Variants in FHIT observed in about 807,000 individuals in gnomAD.
FHIT encodes the protein fragile histidine triad diadenosine triphosphatase.
In FHIT, 19 loss-of-function variants were observed where a neutral mutation model predicts 17.9. The observed-to-expected ratio is 1.06, with a 90% CI of 0.74 to 1.56. FHIT has a LOEUF of 1.56. FHIT is among the 40% of genes most tolerant of loss of function. The probability of loss-of-function intolerance (pLI) is 0.00; values close to 1 mark genes in which losing one functional copy is unlikely to be tolerated. For missense variants in FHIT, 248 were observed against 189.2 expected (o/e 1.31, Z -1.82); for synonymous variants, 81 against 69.7 (o/e 1.16, Z -0.81).
chr3:60,227,816 T>C (rs1003481572), intron 5 of FHIT, among the ~76,000 whole-genome samples: 4 of 152,178 alleles, frequency 2.6e-5, no homozygotes, highest in African/African-American at 9.7e-5. Flanking sequence ...CTCCAAGAAC[T>C]TCTGGAATGC....
intron 1 of FHIT, among the ~76,000 whole-genome samples, chr3:61,240,014 A>T (rs764749925): frequency 1.3e-5 from 2 of 152,056 alleles, no homozygotes; most frequent in Non-Finnish European, 2.9e-5. Context: ...TCCATCTGCA[A>T]CAGGAAGCCA....
At chr3:60,062,761 T>C (rs959752804) in intron 5 of FHIT, among the ~76,000 whole-genome samples, 2 of 151,710 alleles carry the variant, frequency 1.3e-5, no homozygotes, top group Admixed American at 6.6e-5. Flanking sequence ...ATAATGGATA[T>C]GGAGGAGTTT....
At chr3:60,133,061 C>T (rs1482808909) in intron 5 of FHIT, among the ~76,000 whole-genome samples, 1 of 152,062 alleles carries the variant, frequency 6.6e-6, no homozygotes, top group African/African-American at 2.4e-5. Context: ...TACCAGGAGA[C>T]AGGGATTTAA....
intron 5 of FHIT, among the ~76,000 whole-genome samples, chr3:60,132,052 G>A (rs568821296): frequency 5.9e-5 from 9 of 152,232 alleles, no homozygotes; most frequent in African/African-American, 2.2e-4. Context: ...TTGATTTGGA[G>A]TGCTCTCTCT....
intron 5 of FHIT, among the ~76,000 whole-genome samples, chr3:60,292,225 A>G (rs548643743): frequency 3.3e-5 from 5 of 152,200 alleles, no homozygotes; most frequent in Non-Finnish European, 7.3e-5. Context: ...TCTTCAAAAC[A>G]AAATATTAAA....
At chr3:60,413,989 A>C (rs149028342) in intron 5 of FHIT, among the ~76,000 whole-genome samples, 308 of 152,364 alleles carry the variant, frequency 2.0e-3, no homozygotes, top group African/African-American at 7.1e-3. Flanking sequence ...CAAGTACAAC[A>C]GAAATAACTA....
chr3:60,558,219 C>G (rs573470016), intron 4 of FHIT, among the ~76,000 whole-genome samples: 1 of 152,110 alleles, frequency 6.6e-6, no homozygotes, highest in East Asian at 2.0e-4. Context: ...CCTTTGTTCT[C>G]TAACAGGGAA....
In FHIT at chr3:59,747,633, T is replaced by C. The variant is rs1256926288; in HGVS notation, c.*1952A>G. Among the ~76,000 whole-genome samples, 2 of 152,160 alleles carry C rather than the reference T, an allele frequency of 1.3e-5. No homozygotes were observed. The highest frequency in any genetic ancestry group is 3.9e-4 in the East Asian group (2 of 5,178). On this transcript the variant is annotated 3_prime_UTR_variant, in exon 10 of 10. Transcript: ENST00000492590. ...TTCTTATATAGGGCATCTCTGGATA[T>C]AGGTGTTCACATTCTTCTTTGCAAC...
chr3:61,163,753 T>G (rs949379114), intron 2 of FHIT, among the ~76,000 whole-genome samples: 1 of 152,194 alleles, frequency 6.6e-6, no homozygotes, highest in African/African-American at 2.4e-5. Flanking sequence ...ATCATACTTC[T>G]ACACAACTGT....
At chr3:60,784,649 T>G (rs1700503160) in intron 4 of FHIT, among the ~76,000 whole-genome samples, 1 of 152,246 alleles carries the variant, frequency 6.6e-6, no homozygotes, top group Non-Finnish European at 1.5e-5. Flanking sequence ...TTCCAGGCTC[T>G]GATAAATGTT....
At chr3:60,933,785 G>C (rs1285392038) in intron 3 of FHIT, among the ~76,000 whole-genome samples, 1 of 152,142 alleles carries the variant, frequency 6.6e-6, no homozygotes, top group African/African-American at 2.4e-5. Flanking sequence ...GTATAGAAAG[G>C]TGCCCTCCTT....
chr3:60,901,009 A>C (rs1553763058), intron 3 of FHIT, among the ~76,000 whole-genome samples: 1 of 152,202 alleles, frequency 6.6e-6, no homozygotes, highest in Non-Finnish European at 1.5e-5. Flanking sequence ...AAAGTAATTT[A>C]AACATGTTTT....
intron 4 of FHIT, among the ~76,000 whole-genome samples, chr3:60,644,493 T>C (rs373398584): frequency 6.6e-6 from 1 of 152,230 alleles, no homozygotes; most frequent in Non-Finnish European, 1.5e-5. Context: ...CCTAGGAGTT[T>C]TGTAGAGAGC....
rs993203896 is a variant in FHIT at position 60,198,586 on chromosome 3, A to G, written c.104-184434T>C. On this transcript the variant is annotated intron_variant, in intron 5 of 9. Coordinates refer to ENST00000492590, the MANE Select transcript of FHIT (RefSeq NM_002012.4). ...TCCAGGGAGACTGCCTGAACACATA[A>G]TAGGCTCAGCACATTCATTAGGACT... Among the ~76,000 whole-genome samples, 117 of 152,144 alleles carry G rather than the reference A, an allele frequency of 7.7e-4. 9 individuals carry two copies. The highest frequency in any genetic ancestry group is 2.9e-5 in the Non-Finnish European group (2 of 68,014).
chr3:60,815,531 T>C (rs1354983783), intron 4 of FHIT, among the ~76,000 whole-genome samples: 4 of 152,116 alleles, frequency 2.6e-5, no homozygotes, highest in Admixed American at 2.6e-4. Flanking sequence ...TTGTTGAAGA[T>C]CAGATGGTTG....
At chr3:60,846,909 C>T (rs989037094) in intron 3 of FHIT, among the ~76,000 whole-genome samples, 4 of 152,004 alleles carry the variant, frequency 2.6e-5, no homozygotes, top group East Asian at 1.9e-4. Flanking sequence ...CTGCAACCTC[C>T]GCCTCCCAGG....
At chr3:59,824,472 G>A (rs768480291) in intron 8 of FHIT, among the ~76,000 whole-genome samples, 1 of 152,220 alleles carries the variant, frequency 6.6e-6, no homozygotes, top group Non-Finnish European at 1.5e-5. Context: ...ATACATGTCT[G>A]TTATAATAAT....
intron 7 of FHIT, among the ~76,000 whole-genome samples, chr3:59,950,316 C>A: frequency 6.6e-6 from 1 of 152,118 alleles, no homozygotes; most frequent in East Asian, 1.9e-4. Flanking sequence ...TGACCTGTCC[C>A]CATCTCTTCC....
At chr3:60,493,427 C>T (rs1434199266) in intron 5 of FHIT, among the ~76,000 whole-genome samples, 2 of 152,122 alleles carry the variant, frequency 1.3e-5, no homozygotes, top group African/African-American at 2.4e-5. Flanking sequence ...TATATGCTTA[C>T]ACTGTGAGGT....
Sources: allele counts gnomAD v4.1 joint callset (sites outside exome capture counted in the v4.1 genomes callset), GRCh38; gene constraint gnomAD v4.1.1; transcripts MANE v1.5; gene names NCBI Gene and HGNC (gene_info 2026-07-23, HGNC 2026-07-21).